The following MAGI2 variants were observed in gnomAD, a reference collection of about 807,000 sequenced individuals.
MAGI2 encodes the protein membrane-associated guanylate kinase, WW and PDZ domain-containing protein 2.
MAGI2 carries 35 observed loss-of-function variants against 133.3 expected under a neutral mutation model. The ratio of observed to expected loss-of-function variants is 0.26; its 90% CI spans 0.20 to 0.35. The LOEUF (loss-of-function observed/expected upper bound fraction) is 0.35, where lower values mean the gene tolerates loss of function less well. Ranked by LOEUF, MAGI2 falls within the 10% of genes least tolerant of loss-of-function variation. The pLI is 1.00. For missense variants in MAGI2, 1,636 were observed against 1,863.4 expected, an observed-to-expected ratio of 0.88 and a Z score of 2.25; for synonymous variants, 729 against 710.6, an observed-to-expected ratio of 1.03 and a Z score of -0.41.
intron 2 of MAGI2, among the ~76,000 whole-genome samples, chr7:78,798,143 T>C (rs1419298204): frequency 6.6e-6 from 1 of 152,168 alleles, no homozygotes; most frequent in Non-Finnish European, 1.5e-5. Context: ...CTTTGAGAAT[T>C]GCTTAGATGT....
rs1260845177 is a variant in MAGI2 at position 78,401,487 on chromosome 7, G to A, written c.1046-32274C>T. Among the ~76,000 whole-genome samples, 11 of 151,488 alleles carry A rather than the reference G, an allele frequency of 7.3e-5. No individual in the cohort carries two copies. The East Asian group carries it at 1.9e-3, about 27-fold the overall frequency. ...TCTCTCCCCCTCTCTCTCTCATTTTGTTGAACCAACTCTTGTGCCCTGTTA... is the reference window on the plus strand; with the variant it reads ...TCTCTCCCCCTCTCTCTCTCATTTTATTGAACCAACTCTTGTGCCCTGTTA... On this transcript the variant is annotated intron_variant, in intron 6 of 21. Coordinates refer to ENST00000354212, the MANE Select transcript of MAGI2 (RefSeq NM_012301.4).
intron 2 of MAGI2, among the ~76,000 whole-genome samples, chr7:78,768,561 C>T (rs1005147279): frequency 6.6e-6 from 1 of 152,236 alleles, no homozygotes; most frequent in South Asian, 2.1e-4. Context: ...ACGATGAAAA[C>T]CCTTGGAGGG....
At chr7:79,338,758 G>A (rs544157397) in intron 1 of MAGI2, among the ~76,000 whole-genome samples, 1 of 152,134 alleles carries the variant, frequency 6.6e-6, no homozygotes, top group African/African-American at 2.4e-5. Context: ...TGAGATGAAA[G>A]AGCCAGAAGT....
chr7:78,112,184 G>A (rs1216443176), intron 20 of MAGI2, among the ~76,000 whole-genome samples: 2 of 152,134 alleles, frequency 1.3e-5, no homozygotes, highest in Non-Finnish European at 2.9e-5. Context: ...TTTTCTACTA[G>A]CCTCCAGCAC....
At chr7:78,189,669 G>C (rs563082984) in intron 12 of MAGI2, among the ~76,000 whole-genome samples, 4 of 152,320 alleles carry the variant, frequency 2.6e-5, no homozygotes, top group African/African-American at 9.6e-5. Context: ...TAAACCAAGG[G>C]ACAGAACCCT....
chr7:78,027,735 AT>A (rs1490434890), intron 21 of MAGI2, among the ~76,000 whole-genome samples: 13 of 152,234 alleles, frequency 8.5e-5, no homozygotes, highest in African/African-American at 2.9e-4. Context: ...ACTTAAAAAA[AT>A]ATCTTCACAG....
intron 2 of MAGI2, among the ~76,000 whole-genome samples, chr7:78,988,553 A>G (rs1443181993): frequency 6.6e-6 from 1 of 152,090 alleles, no homozygotes; most frequent in Non-Finnish European, 1.5e-5. Context: ...TAAACCCATT[A>G]ATTAAAGCCC....
At chr7:78,544,243 T>C (rs1296040472) in intron 3 of MAGI2, among the ~76,000 whole-genome samples, 1 of 152,244 alleles carries the variant, frequency 6.6e-6, no homozygotes, top group Non-Finnish European at 1.5e-5. Flanking sequence ...AATGAATTGG[T>C]GATTTCAGTG....
intron 1 of MAGI2, among the ~76,000 whole-genome samples, chr7:79,041,466 T>C (rs1313570626): frequency 3.3e-5 from 5 of 152,132 alleles, no homozygotes; most frequent in Non-Finnish European, 5.9e-5. Context: ...TAAAATTCTT[T>C]AATAAACATA....
At chr7:78,195,946 A>T (rs1232769934) in intron 11 of MAGI2, among the ~76,000 whole-genome samples, 2 of 152,170 alleles carry the variant, frequency 1.3e-5, no homozygotes, top group Admixed American at 6.5e-5. Context: ...TGTAAGATTT[A>T]GACTAGTTTG....
At chr7:78,946,234 C>T (rs1801406033) in intron 2 of MAGI2, among the ~76,000 whole-genome samples, 1 of 152,224 alleles carries the variant, frequency 6.6e-6, no homozygotes, top group Non-Finnish European at 1.5e-5. Context: ...ATGCAGACTT[C>T]AGTCTTCAGG....
At position 78,018,247 on chromosome 7, in the gene MAGI2, AAATT is replaced by A. The variant is rs1341769603; in HGVS notation, c.*1064_*1067del. On this transcript the variant is annotated 3_prime_UTR_variant, in exon 22 of 22. Transcript: ENST00000354212. ...AAGACTCACGTTCTTTAATGAAAAT[AAATT>A]GATTGTAATTTTTTAATATTATAAT... 6.6e-6 allele frequency: 1 copy of A among 152,664 alleles called. No homozygotes were observed. Among genetic ancestry groups the A allele is most frequent in the Non-Finnish European group, 1.5e-5 (1 of 68,054 alleles). The allele number at this position is 152,664 out of a possible 1,614,324, so 9.5% of individuals were successfully genotyped here.
chr7:78,661,814 G>A (rs1280541119), intron 2 of MAGI2, among the ~76,000 whole-genome samples: 2 of 152,146 alleles, frequency 1.3e-5, no homozygotes, highest in African/African-American at 4.8e-5. Context: ...TGTGCTTGAT[G>A]TCAAAACTCA....
intron 2 of MAGI2, among the ~76,000 whole-genome samples, chr7:78,902,208 T>C (rs1797664485): frequency 1.3e-5 from 2 of 152,174 alleles, no homozygotes; most frequent in African/African-American, 2.4e-5. Context: ...TTAGTTTTCT[T>C]AGAGAGTTTT....
intron 20 of MAGI2, among the ~76,000 whole-genome samples, chr7:78,098,296 AT>A (rs1281681476): frequency 3.9e-5 from 6 of 152,152 alleles, no homozygotes; most frequent in African/African-American, 1.4e-4. Flanking sequence ...GTACATATCC[AT>A]AAGGAATATA....
rs950121254 is a variant in MAGI2 at position 78,833,526 on chromosome 7, G to A, written c.418+173564C>T. Among the ~76,000 whole-genome samples the A allele has an allele frequency of 6.6e-5, 10 of 152,148 alleles. No homozygotes were observed. The East Asian group carries it at 7.7e-4, about 12-fold the overall frequency. On this transcript the variant is annotated intron_variant, in intron 2 of 21. Transcript: ENST00000354212. ...CCCGCTGTATTGCGGGCTGTTGGCC[G>A]GATCCTGCAACAGTAAAGTTGGAGT...
intron 1 of MAGI2, among the ~76,000 whole-genome samples, chr7:79,167,040 C>T (rs1585096430): frequency 6.6e-6 from 1 of 151,958 alleles, no homozygotes; most frequent in African/African-American, 2.4e-5. Context: ...AGGTGATTTC[C>T]AGGCTTGTTG....
intron 6 of MAGI2, among the ~76,000 whole-genome samples, chr7:78,444,063 T>A (rs182915810): frequency 0.039 from 3,440 of 88,566 alleles, 121 homozygotes; most frequent in African/African-American, 0.12. Context: ...AATGGCCCAC[T>A]TAGTATCGCA....
At chr7:78,754,531 C>T (rs1219810079) in intron 2 of MAGI2, among the ~76,000 whole-genome samples, 1 of 151,990 alleles carries the variant, frequency 6.6e-6, no homozygotes, top group Non-Finnish European at 1.5e-5. Context: ...AATGATTTTG[C>T]AGAGTATAGC....
Sources: allele counts gnomAD v4.1 joint callset (sites outside exome capture counted in the v4.1 genomes callset), GRCh38; gene constraint gnomAD v4.1.1; transcripts MANE v1.5; gene names NCBI Gene and HGNC (gene_info 2026-07-23, HGNC 2026-07-21).